The following LUZP2 variants were observed in gnomAD, a reference collection of about 807,000 sequenced individuals.
LUZP2 encodes leucine zipper protein 2.
LUZP2 carries 52 observed loss-of-function variants against 51.6 expected under a neutral mutation model. The ratio of observed to expected loss-of-function variants is 1.01; its 90% CI spans 0.81 to 1.27. The LOEUF (loss-of-function observed/expected upper bound fraction) is 1.27, where lower values mean the gene tolerates loss of function less well. Among genes scored for constraint, LUZP2 ranks in the 50% most tolerant of loss-of-function variants. The probability of loss-of-function intolerance (pLI) is 0.00; values close to 1 mark genes in which losing one functional copy is unlikely to be tolerated. For missense variants in LUZP2, 436 were observed against 395.4 expected, an observed-to-expected ratio of 1.10 and a Z score of -0.87; for synonymous variants, 154 against 137.3, an observed-to-expected ratio of 1.12 and a Z score of -0.85.
At chr11:25,044,186 C>T (rs1167535505) in intron 9 of LUZP2, among the ~76,000 whole-genome samples, 2 of 60,468 alleles carry the variant, frequency 3.3e-5, no homozygotes, top group Non-Finnish European at 7.4e-5. Flanking sequence ...TACACACACA[C>T]ATATATATGC....
intron 10 of LUZP2, among the ~76,000 whole-genome samples, chr11:25,071,908 G>C (rs1385283107): frequency 6.6e-6 from 1 of 151,786 alleles, no homozygotes; most frequent in Non-Finnish European, 1.5e-5. Context: ...GCAATGGAAA[G>C]AAAAAAATGT....
At chr11:24,990,948 A>AT (rs766840954) in intron 9 of LUZP2, among the ~76,000 whole-genome samples, 5 of 151,566 alleles carry the variant, frequency 3.3e-5, no homozygotes, top group Non-Finnish European at 7.4e-5. Context: ...TTAAGCATTT[A>AT]TTTTTATTTA....
chr11:25,044,496 A>G (rs531694662), intron 9 of LUZP2, among the ~76,000 whole-genome samples: 4 of 152,124 alleles, frequency 2.6e-5, no homozygotes, highest in Admixed American at 2.6e-4. Context: ...GAAAGCAAGC[A>G]GTTCATTAAT....
At chr11:24,784,434 T>G (rs1849180448) in intron 5 of LUZP2, among the ~76,000 whole-genome samples, 1 of 152,018 alleles carries the variant, frequency 6.6e-6, no homozygotes, top group Non-Finnish European at 1.5e-5. Flanking sequence ...GTGTTGGTTC[T>G]ATTAGAAGAT....
chr11:24,884,584 T>G (rs184545882), intron 5 of LUZP2, among the ~76,000 whole-genome samples: 6 of 152,172 alleles, frequency 3.9e-5, no homozygotes, highest in African/African-American at 1.2e-4. Flanking sequence ...CTGGCCTCAA[T>G]GCACCTTTTG....
At chr11:24,770,986 T>G (rs901881686) in intron 5 of LUZP2, among the ~76,000 whole-genome samples, 10 of 152,136 alleles carry the variant, frequency 6.6e-5, no homozygotes, top group African/African-American at 2.4e-4. Flanking sequence ...CAACAGAGGA[T>G]GGATAGCATT....
chr11:24,849,938 T>C (rs1245544507), intron 5 of LUZP2, among the ~76,000 whole-genome samples: 2 of 152,224 alleles, frequency 1.3e-5, no homozygotes, highest in East Asian at 3.9e-4. Context: ...TTGAAAAGTG[T>C]CTGTTTATAT....
chr11:24,773,047 T>C (rs1848796990), intron 5 of LUZP2, among the ~76,000 whole-genome samples: 1 of 151,152 alleles, frequency 6.6e-6, no homozygotes, highest in Non-Finnish European at 1.5e-5. Flanking sequence ...CTCCACCATC[T>C]GTGGCATTTT....
intron 1 of LUZP2, among the ~76,000 whole-genome samples, chr11:24,686,999 C>T (rs1349481532): frequency 6.6e-6 from 1 of 152,028 alleles, no homozygotes; most frequent in East Asian, 1.9e-4. Flanking sequence ...CAGTGTTGTG[C>T]CACATAAAAT....
intron 10 of LUZP2, among the ~76,000 whole-genome samples, chr11:25,070,656 T>C (rs1859128948): frequency 6.6e-6 from 1 of 151,928 alleles, no homozygotes; most frequent in Admixed American, 6.6e-5. Flanking sequence ...TTAGAATATG[T>C]GTTGTAAAAT....
At chr11:24,579,465 T>C (rs988707666) in intron 1 of LUZP2, among the ~76,000 whole-genome samples, 3 of 152,104 alleles carry the variant, frequency 2.0e-5, no homozygotes, top group Admixed American at 6.6e-5. Flanking sequence ...TTATAGAGCA[T>C]AGAAGCCCAC....
At chr11:24,698,917 T>C (rs1280746938) in intron 1 of LUZP2, among the ~76,000 whole-genome samples, 3 of 151,912 alleles carry the variant, frequency 2.0e-5, no homozygotes, top group Non-Finnish European at 4.4e-5. Flanking sequence ...AATTAGCTGA[T>C]TGTGGTGGTG....
chr11:24,777,687 T>G (rs1361300190), intron 5 of LUZP2, among the ~76,000 whole-genome samples: 2 of 152,094 alleles, frequency 1.3e-5, no homozygotes, highest in African/African-American at 4.8e-5. Context: ...CTAAAAGCCA[T>G]GTGTCATAGA....
intron 1 of LUZP2, among the ~76,000 whole-genome samples, chr11:24,528,496 C>CTT (rs1850890186): frequency 6.6e-6 from 1 of 151,134 alleles, no homozygotes; most frequent in South Asian, 2.1e-4. Context: ...AGAAGCATCT[C>CTT]TTTCTTTTTA....
intron 7 of LUZP2, among the ~76,000 whole-genome samples, chr11:24,967,512 A>G (rs950370015): frequency 1.3e-5 from 2 of 151,504 alleles, no homozygotes; most frequent in African/African-American, 4.8e-5. Flanking sequence ...TCCAGTGTAC[A>G]TATGTTGAAG....
At chr11:24,843,334 C>T (rs1339809516) in intron 5 of LUZP2, among the ~76,000 whole-genome samples, 1 of 151,974 alleles carries the variant, frequency 6.6e-6, no homozygotes, top group African/African-American at 2.4e-5. Context: ...TATACAATTC[C>T]TCAGAAAATA....
intron 7 of LUZP2, among the ~76,000 whole-genome samples, chr11:24,935,172 G>A (rs946708207): frequency 7.2e-5 from 11 of 152,098 alleles, no homozygotes; most frequent in African/African-American, 2.7e-4. Flanking sequence ...TGTGCATCAC[G>A]TTGTATATGT....
chr11:24,854,833 G>A (rs2134231333), intron 5 of LUZP2, among the ~76,000 whole-genome samples: 1 of 152,306 alleles, frequency 6.6e-6, no homozygotes, highest in Admixed American at 6.5e-5. Context: ...GGGCTGGAAT[G>A]CACTGTTCCT....
At chr11:24,612,768 G>A (rs1473007576) in intron 1 of LUZP2, among the ~76,000 whole-genome samples, 1 of 151,966 alleles carries the variant, frequency 6.6e-6, no homozygotes, top group Non-Finnish European at 1.5e-5. Context: ...AATTTTCTCT[G>A]TGCAGACAGA....
Sources: allele counts gnomAD v4.1 joint callset (sites outside exome capture counted in the v4.1 genomes callset), GRCh38; gene constraint gnomAD v4.1.1; transcripts MANE v1.5; gene names NCBI Gene and HGNC (gene_info 2026-07-23, HGNC 2026-07-21).